Variants in ATP9B observed in about 807,000 individuals in gnomAD.
ATP9B encodes ATPase phospholipid transporting 9B, also known as probable phospholipid-transporting ATPase IIB.
ATP9B carries 110 observed loss-of-function variants against 146.1 expected under a neutral mutation model. That is an observed-to-expected ratio of 0.75 (90% CI 0.65 to 0.88). The LOEUF is 0.88. Ranked by LOEUF, ATP9B falls within the 40% of genes least tolerant of loss-of-function variation. The pLI is 0.00. For missense variants in ATP9B, 1,499 were observed against 1,496.4 expected (o/e 1.00, Z -0.03); for synonymous variants, 604 against 569.7 (o/e 1.06, Z -0.86).
At chr18:79,206,822 A>G (rs1163166989) in intron 9 of ATP9B, 115 bp from the exon 10 acceptor site, 1 of 890,856 alleles carries the variant, frequency 1.1e-6, no homozygotes, top group Non-Finnish European at 1.7e-6. Context: ...GTGCCTTTGC[A>G]CTGCTGTTCA....
intron 2 of ATP9B, among the ~76,000 whole-genome samples, chr18:79,102,454 C>T (rs949820237): frequency 3.9e-5 from 6 of 152,064 alleles, no homozygotes; most frequent in Admixed American, 6.6e-5. Context: ...TGTACATGAG[C>T]GGAGCTGTCT....
chr18:79,113,306 T>C lies in ATP9B; in HGVS notation c.510T>C (p.Phe170=). ...LYFLVISCSQ[F]VPALKIGYLY... The stretch of plus-strand genomic sequence containing the variant: ...TTCTAGTAATATCCTGCTCACAGTT[T>C]GTACCAGCATTGAAAATAGGCTATC... Residue 170 remains phenylalanine, a synonymous_variant, in exon 4 of 30, where the codon TTT becomes TTC. Transcript: ENST00000426216. 6.2e-7 allele frequency: 1 copy of C among 1,601,848 alleles called. No homozygotes were observed. Among genetic ancestry groups the C allele is most frequent in the Non-Finnish European group, 8.5e-7 (1 of 1,170,474 alleles).
At chr18:79,266,363 A>T (rs1035699195) in intron 12 of ATP9B, among the ~76,000 whole-genome samples, 2 of 152,046 alleles carry the variant, frequency 1.3e-5, no homozygotes, top group East Asian at 3.8e-4. Context: ...TTATTAATCT[A>T]GGTGTATTAA....
At chr18:79,092,332 G>C (rs1423560729) in intron 1 of ATP9B, among the ~76,000 whole-genome samples, 3 of 152,118 alleles carry the variant, frequency 2.0e-5, no homozygotes, top group Non-Finnish European at 4.4e-5. Context: ...GCATGTTACT[G>C]TACTGAATGC....
intron 23 of ATP9B, 94 bp downstream of exon 23, chr18:79,345,933 T>C: frequency 2.1e-6 from 3 of 1,396,926 alleles, no homozygotes; most frequent in Non-Finnish European, 3.0e-6. Context: ...CAGCACCTAC[T>C]TGGTCAGTGC....
Position 79,361,751 on chromosome 18 carries a change from G to A in ATP9B, c.3012+2289G>A, listed in dbSNP as rs961084965. ...TCCTTCTGAACAGTTCGCCAAGGTA[G>A]CACAGACTGCAGCACTCTGCGTTGT... On this transcript the variant is annotated intron_variant, in intron 26 of 29. Transcript: ENST00000426216. 1.5e-5 allele frequency: 15 copies of A among 985,102 alleles called. No individual in the cohort carries two copies. The African/African-American group carries it at 2.6e-4, about 17-fold the overall frequency. 61.0% of individuals were successfully genotyped at this position (985,102 alleles called of 1,614,324 possible).
At chr18:79,095,140 A>G (rs752879901) in intron 1 of ATP9B, among the ~76,000 whole-genome samples, 2 of 152,042 alleles carry the variant, frequency 1.3e-5, no homozygotes, top group Admixed American at 6.6e-5. Flanking sequence ...TTTGATTCCT[A>G]TTTTTTGTTT....
At chr18:79,222,535 C>T (rs1057225211) in intron 11 of ATP9B, among the ~76,000 whole-genome samples, 1 of 152,212 alleles carries the variant, frequency 6.6e-6, no homozygotes, top group African/African-American at 2.4e-5. Context: ...GAGGACGCAA[C>T]TTCCTGGTTC....
rs185294437 is a variant in ATP9B, at chr18:79,144,510, G to A, written c.726+650G>A. Among the ~76,000 whole-genome samples the A allele has an allele frequency of 3.0e-3, 463 of 152,244 alleles. 2 individuals carry two copies. Among genetic ancestry groups the A allele is most frequent in the Non-Finnish European group, 5.1e-3 (348 of 68,014 alleles). On this transcript the variant is annotated intron_variant, in intron 6 of 29. Transcript: ENST00000426216. ...CCTTGCGTGTGCAGTTCACAATAGG[G>A]CTCTTGCTCCTGTGAGAATCTAATG...
At chr18:79,209,686 C>T (rs1377963170) in intron 10 of ATP9B, 2 of 985,134 alleles carry the variant, frequency 2.0e-6, no homozygotes, top group African/African-American at 1.7e-5. Context: ...GGCATGAAGA[C>T]GGCTTTAAAA....
At chr18:79,160,874 C>T (rs564293487) in intron 7 of ATP9B, among the ~76,000 whole-genome samples, 1 of 152,254 alleles carries the variant, frequency 6.6e-6, no homozygotes, top group East Asian at 1.9e-4. Flanking sequence ...TGGGTTCCAG[C>T]GATTCTCCTG....
At chr18:79,376,852 G>A (rs964581584) in intron 29 of ATP9B, among the ~76,000 whole-genome samples, 5 of 151,798 alleles carry the variant, frequency 3.3e-5, no homozygotes, top group African/African-American at 1.2e-4. Flanking sequence ...CCACCACCAC[G>A]CCCGGCTAAT....
At chr18:79,366,497 C>G (rs1307128630) in intron 26 of ATP9B, among the ~76,000 whole-genome samples, 1 of 152,198 alleles carries the variant, frequency 6.6e-6, no homozygotes, top group Non-Finnish European at 1.5e-5. Flanking sequence ...TAAGCCCATG[C>G]ATGGTAGCTA....
At chr18:79,267,533 A>G (rs1213343894) in intron 12 of ATP9B, among the ~76,000 whole-genome samples, 1 of 152,056 alleles carries the variant, frequency 6.6e-6, no homozygotes, top group African/African-American at 2.4e-5. Context: ...TTGCATTTCA[A>G]AAGTTTTCAT....
In ATP9B at chr18:79,327,279, G is replaced by A. The variant is rs565055110; in HGVS notation, c.1774-1862G>A. ...CTCATCGGAAGAGGTGGGTGAGAAT[G>A]AGGTTGTGGTTTAAGAAGAGGACTC... On this transcript the variant is annotated intron_variant, in intron 15 of 29. Coordinates refer to ENST00000426216, the MANE Select transcript of ATP9B (RefSeq NM_198531.5). Among the ~76,000 whole-genome samples the A allele has an allele frequency of 1.8e-3, 279 of 152,344 alleles. 1 individual carries two copies. Among genetic ancestry groups the A allele is most frequent in the Non-Finnish European group, 2.8e-3 (191 of 68,030 alleles).
chr18:79,264,921 T>A (rs886464502), intron 12 of ATP9B, among the ~76,000 whole-genome samples: 37 of 152,214 alleles, frequency 2.4e-4, no homozygotes, highest in African/African-American at 8.9e-4. Context: ...GTTCGATGTT[T>A]GATAGAACAA....
chr18:79,273,979 A>G (rs1036906757), intron 12 of ATP9B, among the ~76,000 whole-genome samples: 5 of 152,224 alleles, frequency 3.3e-5, no homozygotes, highest in African/African-American at 7.2e-5. Flanking sequence ...CATAAAAGTC[A>G]TGACTGCCTT....
At chr18:79,354,287 A>G (rs997829199) in intron 25 of ATP9B, 4 of 151,958 alleles carry the variant, frequency 2.6e-5, no homozygotes, top group African/African-American at 9.7e-5. Context: ...AACAAAAAAA[A>G]CCCCAGCCAA....
intron 28 of ATP9B, 55 bp downstream of exon 28, chr18:79,374,156 ATTTTC>A (rs1007533943): frequency 1.1e-5 from 17 of 1,556,976 alleles, no homozygotes; most frequent in Non-Finnish European, 1.4e-5. Flanking sequence ...ATTTTGAAGT[ATTTTC>A]TTATTGTTGC....
Sources: gnomAD v4.1 joint callset for allele counts (sites outside exome capture counted in the v4.1 genomes callset) on GRCh38, gnomAD v4.1.1 for gene constraint, MANE v1.5 for transcripts, NCBI Gene and HGNC (gene_info 2026-07-23, HGNC 2026-07-21) for gene names.